Variants in ADCK2 observed in about 807,000 individuals in gnomAD.
ADCK2 encodes uncharacterized aarF domain-containing protein kinase 2.
Under a neutral mutation model 52.3 loss-of-function variants are expected in ADCK2, and 37 were observed. That is an observed-to-expected ratio of 0.71 (90% CI 0.54 to 0.93). The LOEUF (loss-of-function observed/expected upper bound fraction) is 0.93, where lower values mean the gene tolerates loss of function less well. Among genes scored for constraint, ADCK2 ranks in the 40% least tolerant of loss-of-function variants. ADCK2 has a pLI of 0.00. For synonymous variants in ADCK2, 321 were observed against 349.2 expected (o/e 0.92, Z 0.90); for missense variants, 695 against 798.7 (o/e 0.87, Z 1.56).
rs1321502224 is a variant in ADCK2, at chr7:140,678,537, C to T, written c.1081-618C>T. 2.0e-5 allele frequency among the ~76,000 whole-genome samples: 3 copies of T among 152,128 alleles called. No individual in the cohort carries two copies. Among genetic ancestry groups the T allele is most frequent in the Non-Finnish European group, 2.9e-5 (2 of 68,024 alleles). ...CACAGGAGACCCAGCCAAGACAGGA[C>T]AGCGAGAGGCAGCAGGGGTGCCAGG... On this transcript the variant is annotated intron_variant, in intron 2 of 7. Coordinates refer to ENST00000072869, the MANE Select transcript of ADCK2 (RefSeq NM_052853.4). The surrounding 1 kb of genome is among the most constrained non-coding windows in gnomAD (Gnocchi z 4.9).
chr7:140,686,434 C>T (rs941748832), intron 4 of ADCK2, among the ~76,000 whole-genome samples: 6 of 152,176 alleles, frequency 3.9e-5, no homozygotes, highest in Non-Finnish European at 7.3e-5. Flanking sequence ...GCATGTGCCA[C>T]CATGTCCAGC....
In ADCK2 at chr7:140,689,103, G is replaced by A. The variant is rs1675979148; in HGVS notation, c.1558-494G>A. On this transcript the variant is annotated intron_variant, in intron 5 of 7. Coordinates refer to ENST00000072869, the MANE Select transcript of ADCK2 (RefSeq NM_052853.4). ...CTGCCTCAGCCTCCCAGGTAGCTGG[G>A]ATTACAGGTACCCACCACCATGCCC... Among the ~76,000 whole-genome samples, 4 of 151,886 alleles carry A rather than the reference G, an allele frequency of 2.6e-5. No homozygotes were observed. In the South Asian group the frequency reaches 8.3e-4, roughly 32 times the overall value.
chr7:140,673,956 G>T lies in ADCK2; in HGVS notation c.626G>T (p.Gly209Val). The T allele has an allele frequency of 6.2e-7, 1 of 1,614,038 alleles. No homozygotes were observed. The highest frequency in any genetic ancestry group is 8.5e-7 in the Non-Finnish European group (1 of 1,180,036). The change falls in exon 1 of 8, where the codon GGC becomes GTC. Residue 209 changes from glycine to valine, a missense_variant. Transcript: ENST00000072869. The surrounding 1 kb of genome is among the most constrained non-coding windows in gnomAD (Gnocchi z 6.4). Reference protein sequence around the residue: ...SFENREPVGSGCVAQVYKAYA... With the variant: ...SFENREPVGSVCVAQVYKAYA... ...GAGAACCGGGAACCTGTGGGCTCAGGCTGCGTGGCCCAGGTGTACAAAGCA... is the reference window on the plus strand; with the variant it reads ...GAGAACCGGGAACCTGTGGGCTCAGTCTGCGTGGCCCAGGTGTACAAAGCA...
chr7:140,679,662 CTTTTTTTT>C (rs57302302), intron 3 of ADCK2, among the ~76,000 whole-genome samples: 21 of 75,366 alleles, frequency 2.8e-4, no homozygotes, highest in South Asian at 2.7e-3. Flanking sequence ...CCTTCTCTCT[CTTTTTTTT>C]TTTTTTTTTT....
chr7:140,689,283 T>C (rs1054747520), intron 5 of ADCK2, among the ~76,000 whole-genome samples: 1 of 149,066 alleles, frequency 6.7e-6, no homozygotes, highest in African/African-American at 2.5e-5. Context: ...TAAAAAAAAA[T>C]TTTTTTTTTT....
chr7:140,673,558 TG>T lies in ADCK2; in HGVS notation c.230del (p.Gly77AlafsTer32). ...GAAGGGTCCGCTGCAGCGGGGCGGC[TG>T]GCGCGGGGCCCGCGGAGAGCCTCCC... ...RRRVRCSGAA[G>X]AGPAESLPRA... On this transcript the variant is annotated frameshift_variant, in exon 1 of 8. Transcript: ENST00000072869. LOFTEE classifies it high-confidence loss of function. This position sits in a 1 kb window ranked among gnomAD's most constrained non-coding sequence, Gnocchi z 6.4. 1 of 1,600,930 alleles carries T rather than the reference TG, an allele frequency of 6.2e-7. No homozygotes were observed. Among genetic ancestry groups the T allele is most frequent in the Non-Finnish European group, 8.5e-7 (1 of 1,177,350 alleles).
chr7:140,681,821 A>G (rs939163027), intron 4 of ADCK2, among the ~76,000 whole-genome samples: 2 of 151,250 alleles, frequency 1.3e-5, no homozygotes, highest in Non-Finnish European at 2.9e-5. Context: ...GGGACTTACT[A>G]TGTTGTCCAG....
chr7:140,676,884 G>A (rs1027172162), intron 2 of ADCK2, among the ~76,000 whole-genome samples: 4 of 152,200 alleles, frequency 2.6e-5, no homozygotes, highest in South Asian at 2.1e-4. Context: ...TTACCTAGGC[G>A]TGGTGGTGCT....
intron 5 of ADCK2, among the ~76,000 whole-genome samples, chr7:140,688,209 A>G (rs1460771228): frequency 6.6e-6 from 1 of 151,988 alleles, no homozygotes; most frequent in Non-Finnish European, 1.5e-5. Flanking sequence ...ATGCCCGGCC[A>G]CTTTTTGTAT....
chr7:140,687,110 CTG>C lies in ADCK2; in HGVS notation c.1427_1428del (p.Leu476ArgfsTer28). 6.2e-7 allele frequency: 1 copy of C among 1,613,934 alleles called. No homozygotes were observed. ...GCAGCAGGCGGACATCTGTGACACT[CTG>C]GTGGTGGCCGTGCCATCTTCCCTCT... ...QLQQADICDT[L>X]VVAVPSSLCP... is the part of the protein sequence containing the mutation. On this transcript the variant is annotated frameshift_variant, in exon 5 of 8. Coordinates refer to ENST00000072869, the MANE Select transcript of ADCK2 (RefSeq NM_052853.4). LOFTEE classifies it high-confidence loss of function.
At position 140,674,231 on chromosome 7, in the gene ADCK2, G is replaced by C. The variant is rs773829719; in HGVS notation, c.901G>C (p.Glu301Gln). ...SRAQVPGHQPEATNLISVAVK... is the reference protein window; with the variant it reads ...SRAQVPGHQPQATNLISVAVK... ...GGCTCAGGTCCCTGGCCACCAACCT[G>C]AGGCCACCAACCTCATCTCCGTGGC... is the stretch of plus-strand genomic sequence containing the variant. Residue 301 changes from glutamate to glutamine, a missense_variant, in exon 1 of 8, where the codon GAG becomes CAG. By Grantham distance (29) the Glu-to-Gln change is conservative. Coordinates refer to ENST00000072869, the MANE Select transcript of ADCK2 (RefSeq NM_052853.4). This position sits in a 1 kb window ranked among gnomAD's most constrained non-coding sequence, Gnocchi z 4.6. The C allele has an allele frequency of 1.2e-6, 2 of 1,613,632 alleles. No homozygotes were observed. Among genetic ancestry groups the C allele is most frequent in the South Asian group, 2.2e-5 (2 of 91,048 alleles).
intron 4 of ADCK2, among the ~76,000 whole-genome samples, chr7:140,686,722 G>C (rs993295318): frequency 2.6e-5 from 4 of 152,126 alleles, no homozygotes; most frequent in African/African-American, 9.7e-5. Context: ...TGGGATTATA[G>C]GTGTAAAGCC....
intron 2 of ADCK2, 62 bp from the exon 3 acceptor site, chr7:140,679,093 T>G: frequency 6.3e-7 from 1 of 1,585,248 alleles, no homozygotes; most frequent in African/African-American, 1.3e-5. Flanking sequence ...TCCTTGGCAT[T>G]GCAGATGTCA....
chr7:140,675,326 CAG>C (rs1237106731), intron 2 of ADCK2, among the ~76,000 whole-genome samples: 3 of 152,144 alleles, frequency 2.0e-5, no homozygotes, highest in Non-Finnish European at 2.9e-5. Flanking sequence ...ATTTTAAAAA[CAG>C]AGACAGGGTC....
chr7:140,677,168 G>A (rs1279896945), intron 2 of ADCK2, among the ~76,000 whole-genome samples: 1 of 152,194 alleles, frequency 6.6e-6, no homozygotes, highest in African/African-American at 2.4e-5. Flanking sequence ...AGCACTTTGG[G>A]AGGCGGCGTC....
intron 3 of ADCK2, 47 bp downstream of exon 3, chr7:140,679,330 C>T (rs1332502124): frequency 1.2e-6 from 2 of 1,607,444 alleles, no homozygotes; most frequent in Non-Finnish European, 8.5e-7. Flanking sequence ...TTGCCACTCG[C>T]AGTGGGCCCG....
chr7:140,693,396 C>T lies in ADCK2; in HGVS notation c.1741-1267C>T, dbSNP rs941682959. Among the ~76,000 whole-genome samples the T allele has an allele frequency of 5.3e-5, 8 of 152,304 alleles. 1 individual carries two copies. Among genetic ancestry groups the T allele is most frequent in the South Asian group, 4.1e-4 (2 of 4,824 alleles). On this transcript the variant is annotated intron_variant, in intron 7 of 7. Coordinates refer to ENST00000072869, the MANE Select transcript of ADCK2 (RefSeq NM_052853.4). The surrounding 1 kb of genome is among the most constrained non-coding windows in gnomAD (Gnocchi z 4.0). Reference sequence around the variant, plus strand: ...ACCCCGACAACCTTCCAGCCCTTAACGGAGACAAATACTCTTTAATTTCTA... The same window carrying T: ...ACCCCGACAACCTTCCAGCCCTTAATGGAGACAAATACTCTTTAATTTCTA...
intron 4 of ADCK2, among the ~76,000 whole-genome samples, chr7:140,681,356 C>T (rs1364999645): frequency 1.7e-4 from 26 of 150,950 alleles, no homozygotes; most frequent in African/African-American, 4.1e-4. Flanking sequence ...CTTGCTCTGT[C>T]GCCCAGGCTG....
chr7:140,674,465 G>C lies in ADCK2; in HGVS notation c.934-146G>C, dbSNP rs188350499. On this transcript the variant is annotated intron_variant, in intron 1 of 7. Coordinates refer to ENST00000072869, the MANE Select transcript of ADCK2 (RefSeq NM_052853.4). The surrounding 1 kb of genome is among the most constrained non-coding windows in gnomAD (Gnocchi z 4.6). ...GAGGAAAATGAACTGAGTCTGGAGTGAACTAACTGCTTGGGTGTCGGGACC... is the reference window on the plus strand; with the variant it reads ...GAGGAAAATGAACTGAGTCTGGAGTCAACTAACTGCTTGGGTGTCGGGACC... 3.4e-4 allele frequency: 387 copies of C among 1,151,710 alleles called. 1 individual carries two copies. The African/African-American group carries it at 5.4e-3, about 16-fold the overall frequency. 71.3% of individuals were successfully genotyped at this position (1,151,710 alleles called of 1,614,324 possible). A position where few individuals can be genotyped will look rare whatever the true frequency, so the allele number is the denominator to read the frequency against.
Sources: gnomAD v4.1 joint callset for allele counts (sites outside exome capture counted in the v4.1 genomes callset) on GRCh38, gnomAD v4.1.1 for gene constraint, Gnocchi (gnomAD v3.1) non-coding constraint, MANE v1.5 for transcripts, NCBI Gene and HGNC (gene_info 2026-07-23, HGNC 2026-07-21) for gene names.